DYSF: variants seen among roughly 807,000 people sequenced by gnomAD.
The protein encoded by DYSF is dysferlin, also known as dystrophy-associated fer-1-like 1.
In DYSF, 212 loss-of-function variants were observed where a neutral mutation model predicts 274.9. The observed-to-expected ratio is 0.77, with a 90% CI of 0.69 to 0.86. The LOEUF (loss-of-function observed/expected upper bound fraction) is 0.86. Ranked by LOEUF, DYSF falls within the 40% of genes least tolerant of loss-of-function variation. The pLI is 0.00. For synonymous variants in DYSF, 1,091 were observed against 1,078.7 expected, an observed-to-expected ratio of 1.01 and a Z score of -0.22; for missense variants, 2,666 against 2,783.2, an observed-to-expected ratio of 0.96 and a Z score of 0.95.
At chr2:71,624,733 C>G (rs902714865) in intron 41 of DYSF, among the ~76,000 whole-genome samples, 3 of 152,028 alleles carry the variant, frequency 2.0e-5, no homozygotes, top group Admixed American at 6.5e-5. Flanking sequence ...CACGGGATAG[C>G]CATCATTTTT....
At chr2:71,601,625 C>A in intron 35 of DYSF, 97 bp downstream of exon 35, 1 of 1,526,548 alleles carries the variant, frequency 6.6e-7, no homozygotes, top group Non-Finnish European at 9.1e-7. Flanking sequence ...GGCATTACCG[C>A]GATCCTGCCT....
intron 7 of DYSF, among the ~76,000 whole-genome samples, chr2:71,514,844 T>C (rs1472801580): frequency 6.6e-6 from 1 of 152,190 alleles, no homozygotes; most frequent in Non-Finnish European, 1.5e-5. Flanking sequence ...GCCTTTGTTC[T>C]CTTTATGGAA....
intron 30 of DYSF, chr2:71,576,949 G>GC (rs1254090827): frequency 1.3e-5 from 2 of 152,276 alleles, no homozygotes; most frequent in African/African-American, 4.8e-5. Flanking sequence ...GCAGCCATGG[G>GC]CGGGTGATGG....
At chr2:71,643,927 C>T (rs779399429) in intron 41 of DYSF, 38 bp from the exon 42 acceptor site, 4 of 1,524,322 alleles carry the variant, frequency 2.6e-6, no homozygotes, top group Admixed American at 1.8e-5. Context: ...TTGGCGAGTC[C>T]TGTTTCTGAA....
chr2:71,624,377 G>C (rs2094167053), intron 41 of DYSF, among the ~76,000 whole-genome samples: 1 of 152,132 alleles, frequency 6.6e-6, no homozygotes, highest in East Asian at 1.9e-4. Context: ...TACTACTTAG[G>C]ATTTTTACGT....
intron 17 of DYSF, among the ~76,000 whole-genome samples, chr2:71,550,529 G>A (rs577184247): frequency 1.2e-4 from 18 of 151,684 alleles, no homozygotes; most frequent in Non-Finnish European, 2.4e-4. Context: ...GGCCTCCTGG[G>A]AGATGGTTTC....
chr2:71,476,140 G>T (rs533172854), intron 1 of DYSF, among the ~76,000 whole-genome samples: 1 of 152,250 alleles, frequency 6.6e-6, no homozygotes, highest in South Asian at 2.1e-4. Flanking sequence ...CAGGTCAGAA[G>T]GTCAAAACTC....
At chr2:71,496,970 G>A (rs185502229) in intron 3 of DYSF, among the ~76,000 whole-genome samples, 2 of 152,268 alleles carry the variant, frequency 1.3e-5, no homozygotes, top group African/African-American at 4.8e-5. Context: ...AAAGCCTCAG[G>A]CTCTGTCAGC....
chr2:71,544,794 C>T (rs1010408973), intron 17 of DYSF, among the ~76,000 whole-genome samples: 12 of 152,094 alleles, frequency 7.9e-5, no homozygotes, highest in Admixed American at 3.9e-4. Context: ...CAGATCCTTC[C>T]GTAAATGTAG....
intron 7 of DYSF, among the ~76,000 whole-genome samples, chr2:71,515,117 C>T (rs562521802): frequency 5.3e-5 from 8 of 152,282 alleles, no homozygotes; most frequent in African/African-American, 1.9e-4. Context: ...CATAGACGTT[C>T]TTGAAGTCTT....
intron 19 of DYSF, among the ~76,000 whole-genome samples, chr2:71,552,038 G>T (rs545602636): frequency 1.2e-4 from 18 of 152,322 alleles, no homozygotes; most frequent in Admixed American, 1.1e-3. Context: ...AATAAGCACT[G>T]AACATGTATC....
intron 40 of DYSF, among the ~76,000 whole-genome samples, chr2:71,618,266 G>GGTGGTGTGTGTGTGT (rs1558638422): frequency 2.2e-5 from 1 of 46,016 alleles, no homozygotes; most frequent in Non-Finnish European, 4.9e-5. Flanking sequence ...GTGTGGTAGA[G>GGTGGTGTGTGTGTGT]GTGTGTGTGT....
chr2:71,513,600 G>C, intron 6 of DYSF, 116 bp from the exon 7 acceptor site: 2 of 1,058,872 alleles, frequency 1.9e-6, no homozygotes, highest in Non-Finnish European at 2.8e-6. Flanking sequence ...AGGAAGAGGG[G>C]ATGAGTCTTA....
chr2:71,600,502 C>T (rs533051033), intron 33 of DYSF, among the ~76,000 whole-genome samples, 200 bp from the exon 34 acceptor site: 1 of 152,332 alleles, frequency 6.6e-6, no homozygotes, highest in African/African-American at 2.4e-5. Context: ...AACCTAGTGA[C>T]AGTCACCACA....
At chr2:71,457,429 T>C (rs2081113432) in intron 1 of DYSF, among the ~76,000 whole-genome samples, 1 of 152,126 alleles carries the variant, frequency 6.6e-6, no homozygotes, top group Non-Finnish European at 1.5e-5. Context: ...ATCCCCAGCT[T>C]TAACCACTCT....
At chr2:71,554,015 C>T in intron 21 of DYSF, 84 bp downstream of exon 21, 1 of 1,588,564 alleles carries the variant, frequency 6.3e-7, no homozygotes, top group Admixed American at 1.7e-5. Flanking sequence ...GACCACCACC[C>T]ACTGGTGCAC....
chr2:71,578,111 G>A (rs1221857311), intron 30 of DYSF, among the ~76,000 whole-genome samples: 3 of 152,324 alleles, frequency 2.0e-5, no homozygotes, highest in Admixed American at 2.0e-4. Flanking sequence ...GCAAAAGCAG[G>A]CACCGTCTGG....
rs376880749 is a variant in DYSF, at chr2:71,531,423, C to A, written c.1380+3022C>A. Among the ~76,000 whole-genome samples the A allele has an allele frequency of 2.4e-4, 36 of 152,078 alleles. 1 individual carries two copies. Among genetic ancestry groups the A allele is most frequent in the East Asian group, 1.8e-3 (9 of 5,118 alleles). ...CAGGGCTTTGAAAAATTTGAGTCTC[C>A]CAGCGTGTATGTTGGTTGCTGAGGT... On this transcript the variant is annotated intron_variant, in intron 14 of 55. Coordinates refer to ENST00000410020, the MANE Select transcript of DYSF (RefSeq NM_001130987.2).
rs1459761666 is a variant in DYSF at position 71,618,221 on chromosome 2, G to A, written c.4465-2326G>A. On this transcript the variant is annotated intron_variant, in intron 40 of 55. Coordinates refer to ENST00000410020, the MANE Select transcript of DYSF (RefSeq NM_001130987.2). ...GGTAGAGATGGGATGTGTGTGTGTG[G>A]TAGAGGTGGGGTGTGTGTGTGGTAG... Among the ~76,000 whole-genome samples, 58 of 134,018 alleles carry A rather than the reference G, an allele frequency of 4.3e-4. 1 individual carries two copies. The highest frequency in any genetic ancestry group is 3.7e-3 in the Admixed American group (47 of 12,612). 87.9% of individuals were successfully genotyped at this position (134,018 alleles called of 152,430 possible). A position where few individuals can be genotyped will look rare whatever the true frequency, so the allele number is the denominator to read the frequency against.
Sources: allele counts gnomAD v4.1 joint callset (sites outside exome capture counted in the v4.1 genomes callset), GRCh38; gene constraint gnomAD v4.1.1; transcripts MANE v1.5; gene names NCBI Gene and HGNC (gene_info 2026-07-23, HGNC 2026-07-21).